PCDHGA3: variants seen among roughly 807,000 people sequenced by gnomAD.
PCDHGA3 encodes the protein protocadherin gamma subfamily A, 3, also known as protocadherin gamma-A3.
A neutral mutation model predicts 58.5 loss-of-function variants in PCDHGA3; 40 were observed. The observed-to-expected ratio is 0.68, with a 90% CI of 0.53 to 0.89. PCDHGA3 has a LOEUF of 0.89. PCDHGA3 is among the 40% of genes least tolerant of loss of function. PCDHGA3 has a pLI of 0.00. For synonymous variants in PCDHGA3, 530 were observed against 525.7 expected (o/e 1.01, Z -0.11); for missense variants, 1,223 against 1,195.9 (o/e 1.02, Z -0.33).
chr5:141,421,910 C>G, intron 1 of PCDHGA3: 1 of 1,613,716 alleles, frequency 6.2e-7, no homozygotes, highest in Non-Finnish European at 8.5e-7. Flanking sequence ...GGCGCAGTTC[C>G]CATTCGTGTG....
chr5:141,405,467 T>G lies in PCDHGA3; in HGVS notation c.2424+59010T>G. On this transcript the variant is annotated intron_variant, in intron 1 of 3. Transcript: ENST00000253812. The stretch of plus-strand genomic sequence containing the variant: ...CAGAGTCTTACTCTGTTACCCAGGC[T>G]GGAATGCAGTGGTGTGATCTCGGCT... 3.6e-6 allele frequency: 4 copies of G among 1,103,716 alleles called. No individual in the cohort carries two copies. The South Asian group carries it at 6.1e-5, about 17-fold the overall frequency. 68.4% of individuals were successfully genotyped at this position (1,103,716 alleles called of 1,614,324 possible). A position where few individuals can be genotyped will look rare whatever the true frequency, so the allele number is the denominator to read the frequency against.
Position 141,444,152 on chromosome 5 carries a change from ATTTTTTTTTTTTTTTTT to A in PCDHGA3, c.2425-50635_2425-50619del, listed in dbSNP as rs747671382. Among the ~76,000 whole-genome samples, 167 of 33,906 alleles carry A rather than the reference ATTTTTTTTTTTTTTTTT, an allele frequency of 4.9e-3. 1 individual carries two copies. The highest frequency in any genetic ancestry group is 7.0e-3 in the Non-Finnish European group (136 of 19,318). The allele number at this position is 33,906 out of a possible 152,430, so 22.2% of individuals were successfully genotyped here. A position where few individuals can be genotyped will look rare whatever the true frequency, so the allele number is the denominator to read the frequency against. On this transcript the variant is annotated intron_variant, in intron 1 of 3. Coordinates refer to ENST00000253812, the MANE Select transcript of PCDHGA3 (RefSeq NM_018916.4). ...GATATGTGTCACTTGTGTGTACTGG[ATTTTTTTTTTTTTTTTT>A]TTTTTTTTTTTTTTTTTTTGAGATG...
intron 1 of PCDHGA3, chr5:141,415,216 A>C: frequency 6.2e-7 from 1 of 1,614,086 alleles, no homozygotes; most frequent in African/African-American, 1.3e-5. Flanking sequence ...GGACCTCGGC[A>C]GCTTCGAGTC....
In PCDHGA3 at chr5:141,486,866, G is replaced by A; in HGVS notation, c.2425-7941G>A. Reference sequence around the variant, plus strand: ...GGACCTCAATGACAATGCTCCAGCTGTGCTCCGTCCTCGGGCCCGGCCTGG... The same window carrying A: ...GGACCTCAATGACAATGCTCCAGCTATGCTCCGTCCTCGGGCCCGGCCTGG... On this transcript the variant is annotated intron_variant, in intron 1 of 3. Transcript: ENST00000253812. The surrounding 1 kb of genome is among the most constrained non-coding windows in gnomAD (Gnocchi z 5.0). 6.2e-7 allele frequency: 1 copy of A among 1,614,202 alleles called. No homozygotes were observed. The highest frequency in any genetic ancestry group is 8.5e-7 in the Non-Finnish European group (1 of 1,180,038).
At chr5:141,439,506 C>G (rs2098117403) in intron 1 of PCDHGA3, among the ~76,000 whole-genome samples, 1 of 152,234 alleles carries the variant, frequency 6.6e-6, no homozygotes, top group Non-Finnish European at 1.5e-5. Flanking sequence ...GTCTTTCTCT[C>G]TGCTCTCAAC....
At chr5:141,350,726 G>A in intron 1 of PCDHGA3, 1 of 1,613,956 alleles carries the variant, frequency 6.2e-7, no homozygotes, top group Non-Finnish European at 8.5e-7. Context: ...TTCTGCTCAA[G>A]ATGCAGATGT....
chr5:141,388,892 A>G (rs1370408221), intron 1 of PCDHGA3: 1 of 1,613,996 alleles, frequency 6.2e-7, no homozygotes, highest in Non-Finnish European at 8.5e-7. Context: ...TAGAAGTCAT[A>G]GATGAAAATG....
At chr5:141,392,815 T>G (rs1361544072) in intron 1 of PCDHGA3, 1 of 1,586,560 alleles carries the variant, frequency 6.3e-7, no homozygotes, top group South Asian at 1.1e-5. Flanking sequence ...AAAACAACAA[T>G]GGCCGCTCCA....
At chr5:141,374,379 G>T in intron 1 of PCDHGA3, 11 of 1,614,042 alleles carry the variant, frequency 6.8e-6, no homozygotes, top group Non-Finnish European at 9.3e-6. Flanking sequence ...TGTGCTCAGA[G>T]CCCGCGGTGT....
chr5:141,438,392 ATTAAC>A (rs1296512476), intron 1 of PCDHGA3, among the ~76,000 whole-genome samples: 3 of 151,714 alleles, frequency 2.0e-5, no homozygotes, highest in African/African-American at 7.3e-5. Context: ...TTAGTTCATC[ATTAAC>A]TCTCTGAAGT....
intron 1 of PCDHGA3, chr5:141,409,997 G>C: frequency 1.2e-6 from 2 of 1,613,224 alleles, no homozygotes; most frequent in South Asian, 2.2e-5. Context: ...CGCCGACTCG[G>C]GACACAACGC....
Position 141,485,274 on chromosome 5 carries a change from C to G in PCDHGA3, c.2425-9533C>G. 2 of 1,614,106 alleles carry G rather than the reference C, an allele frequency of 1.2e-6. No homozygotes were observed. Among genetic ancestry groups the G allele is most frequent in the Non-Finnish European group, 1.7e-6 (2 of 1,179,964 alleles). On this transcript the variant is annotated intron_variant, in intron 1 of 3. Transcript: ENST00000253812. The surrounding 1 kb of genome is among the most constrained non-coding windows in gnomAD (Gnocchi z 5.7). ...TACGTTTGTGGGCAGATCCGCTACC[C>G]GGTCCCAGAGGAGTCACAGGAAGGG...
chr5:141,361,135 C>A, intron 1 of PCDHGA3: 1 of 1,613,506 alleles, frequency 6.2e-7, no homozygotes, highest in Non-Finnish European at 8.5e-7. Flanking sequence ...CTGCAGTATC[C>A]AAGTTGAAAT....
chr5:141,375,013 G>C, intron 1 of PCDHGA3: 2 of 1,614,004 alleles, frequency 1.2e-6, no homozygotes, highest in Non-Finnish European at 1.7e-6. Flanking sequence ...TAGACTATGA[G>C]GACTCGAGTT....
Position 141,374,077 on chromosome 5 carries a change from G to A in PCDHGA3, c.2424+27620G>A, listed in dbSNP as rs530727064. 38 of 1,515,728 alleles carry A rather than the reference G, an allele frequency of 2.5e-5. No individual in the cohort carries two copies. The African/African-American group carries it at 3.6e-4, about 14-fold the overall frequency. 93.9% of individuals were successfully genotyped at this position (1,515,728 alleles called of 1,614,324 possible). A position where few individuals can be genotyped will look rare whatever the true frequency, so the allele number is the denominator to read the frequency against. ...TTAATCCCAGAGAAGTTCCTAATAA[G>A]CCAGTAATGGCGCCTCCGCAGAGGC... On this transcript the variant is annotated intron_variant, in intron 1 of 3. Coordinates refer to ENST00000253812, the MANE Select transcript of PCDHGA3 (RefSeq NM_018916.4).
chr5:141,405,612 C>T, intron 1 of PCDHGA3: 1 of 557,514 alleles, frequency 1.8e-6, no homozygotes, highest in Non-Finnish European at 3.2e-6. Flanking sequence ...ATAACTGGGA[C>T]TACAGGCACG....
intron 1 of PCDHGA3, chr5:141,371,956 A>G (rs1410520873): frequency 6.2e-7 from 1 of 1,613,272 alleles, no homozygotes; most frequent in South Asian, 1.1e-5. Context: ...CGAGCCTTCG[A>G]CCACGAGCAG....
At chr5:141,385,503 C>A in intron 1 of PCDHGA3, 1 of 1,379,554 alleles carries the variant, frequency 7.2e-7, no homozygotes, top group Non-Finnish European at 9.4e-7. Context: ...TATAGTATTT[C>A]TTTAGTGAAA....
chr5:141,399,472 C>T lies in PCDHGA3; in HGVS notation c.2424+53015C>T, dbSNP rs763239278. On this transcript the variant is annotated intron_variant, in intron 1 of 3. Transcript: ENST00000253812. ...CGTCAACGATAACGCTCCGGTTTTCCACCAGGCGTCCTACTTAGTCAGTGT... is the reference window on the plus strand; with the variant it reads ...CGTCAACGATAACGCTCCGGTTTTCTACCAGGCGTCCTACTTAGTCAGTGT... 29 of 1,613,908 alleles carry T rather than the reference C, an allele frequency of 1.8e-5. No individual in the cohort carries two copies. The South Asian group carries it at 2.9e-4, about 16-fold the overall frequency.
Sources: gnomAD v4.1 joint callset for allele counts (sites outside exome capture counted in the v4.1 genomes callset) on GRCh38, gnomAD v4.1.1 for gene constraint, Gnocchi (gnomAD v3.1) non-coding constraint, MANE v1.5 for transcripts, NCBI Gene and HGNC (gene_info 2026-07-23, HGNC 2026-07-21) for gene names.